Variants in OPN3 observed in about 807,000 individuals in gnomAD.
OPN3 encodes opsin-3.
Under a neutral mutation model 33.8 loss-of-function variants are expected in OPN3, and 29 were observed. The ratio of observed to expected loss-of-function variants is 0.86; its 90% CI spans 0.64 to 1.17. The LOEUF (loss-of-function observed/expected upper bound fraction) is 1.17. Among genes scored for constraint, OPN3 ranks in the 50% most tolerant of loss-of-function variants. The pLI is 0.00. For synonymous variants in OPN3, 216 were observed against 216.1 expected, an observed-to-expected ratio of 1.00 and a Z score of 0.00; for missense variants, 437 against 514.1, an observed-to-expected ratio of 0.85 and a Z score of 1.45.
rs911830187 is a variant in OPN3 at position 241,635,471 on chromosome 1, G to C, written c.373+4411C>G. On this transcript the variant is annotated intron_variant, in intron 1 of 3. Transcript: ENST00000366554. ...CTGACTGGCGTAGCAAAAAGCTTCTGTGTGTTGAATAGTTTCATCCTTCTT... is the reference window on the plus strand; with the variant it reads ...CTGACTGGCGTAGCAAAAAGCTTCTCTGTGTTGAATAGTTTCATCCTTCTT... The C allele has an allele frequency of 2.5e-6, 4 of 1,613,724 alleles. No homozygotes were observed. The Admixed American group carries it at 6.7e-5, about 27-fold the overall frequency.
intron 1 of OPN3, among the ~76,000 whole-genome samples, chr1:241,625,103 A>C (rs909407159): frequency 2.6e-5 from 4 of 152,202 alleles, no homozygotes; most frequent in African/African-American, 9.7e-5. Flanking sequence ...ATTGTAATGA[A>C]CCCTATGCTT....
chr1:241,622,755 C>T (rs528402253), intron 1 of OPN3, among the ~76,000 whole-genome samples: 48 of 152,364 alleles, frequency 3.2e-4, no homozygotes, highest in African/African-American at 1.2e-3. Flanking sequence ...ACACTTCTCT[C>T]TTCTGCATCA....
chr1:241,599,524 A>T (rs371404633), intron 2 of OPN3, among the ~76,000 whole-genome samples: 1 of 152,132 alleles, frequency 6.6e-6, no homozygotes, highest in East Asian at 1.9e-4. Context: ...CAAAAACCGC[A>T]ATTACTTTTG....
intron 1 of OPN3, among the ~76,000 whole-genome samples, chr1:241,639,565 T>C (rs369473338): frequency 6.6e-6 from 1 of 151,612 alleles, no homozygotes; most frequent in South Asian, 2.1e-4. Context: ...TGAGTGATCT[T>C]AGGAGGTAAA....
At chr1:241,624,537 A>C (rs1344462817) in intron 1 of OPN3, among the ~76,000 whole-genome samples, 1 of 152,230 alleles carries the variant, frequency 6.6e-6, no homozygotes, top group East Asian at 1.9e-4. Flanking sequence ...CAGCCTGATT[A>C]ATATGGTGGT....
chr1:241,594,282 A>G lies in OPN3; in HGVS notation c.*146T>C. 1.2e-6 allele frequency: 1 copy of G among 855,484 alleles called. No homozygotes were observed. Among genetic ancestry groups the G allele is most frequent in the Non-Finnish European group, 1.8e-6 (1 of 559,358 alleles). 53.0% of individuals were successfully genotyped at this position (855,484 alleles called of 1,614,324 possible). On this transcript the variant is annotated 3_prime_UTR_variant, in exon 4 of 4. Coordinates refer to ENST00000366554, the MANE Select transcript of OPN3 (RefSeq NM_014322.3). ...TTGTTCAACCTCTTCCTGAGGCCCA[A>G]GAGCATATGGGCAATTCGGATTTCC...
intron 3 of OPN3, chr1:241,595,153 ATTT>A (rs899640573): frequency 6.6e-6 from 1 of 152,064 alleles, no homozygotes; most frequent in Non-Finnish European, 1.5e-5. Context: ...TAGGTGAAGA[ATTT>A]TTTTTTTCTA....
chr1:241,594,793 G>C, intron 3 of OPN3, 102 bp from the exon 4 acceptor site: 1 of 1,396,488 alleles, frequency 7.2e-7, no homozygotes, highest in Non-Finnish European at 9.8e-7. Flanking sequence ...GTTGTTTTTT[G>C]TTTGTTAGCA....
In OPN3 at chr1:241,633,681, T is replaced by A. The variant is rs1020893819; in HGVS notation, c.373+6201A>T. 1.4e-5 allele frequency: 15 copies of A among 1,038,222 alleles called. No homozygotes were observed. In the African/African-American group the frequency reaches 2.4e-4, roughly 17 times the overall value. The allele number at this position is 1,038,222 out of a possible 1,614,324, so 64.3% of individuals were successfully genotyped here. ...CTGAGAGTTAAAGACAACATCTGCA[T>A]AGCATTCATCATATATAACCACTTC... On this transcript the variant is annotated intron_variant, in intron 1 of 3. Coordinates refer to ENST00000366554, the MANE Select transcript of OPN3 (RefSeq NM_014322.3).
chr1:241,625,312 G>A (rs1664385514), intron 1 of OPN3, among the ~76,000 whole-genome samples: 2 of 152,220 alleles, frequency 1.3e-5, no homozygotes, highest in Non-Finnish European at 2.9e-5. Flanking sequence ...AGGCTTCTCC[G>A]AAGCCATACT....
intron 1 of OPN3, chr1:241,632,539 T>C (rs1349553384): frequency 6.6e-6 from 1 of 152,158 alleles, no homozygotes; most frequent in Non-Finnish European, 1.5e-5. Flanking sequence ...TCATGTCTTC[T>C]GACAGCTCCA....
At chr1:241,598,102 T>C in intron 2 of OPN3, 105 bp from the exon 3 acceptor site, 1 of 1,303,488 alleles carries the variant, frequency 7.7e-7, no homozygotes, top group Non-Finnish European at 1.0e-6. Flanking sequence ...CCCACCTAAA[T>C]GGAAAGAGAA....
At chr1:241,635,418 C>T (rs1287506788) in intron 1 of OPN3, 7 of 1,613,846 alleles carry the variant, frequency 4.3e-6, no homozygotes, top group Non-Finnish European at 5.9e-6. Context: ...TGCAGAGCAC[C>T]AATCTCTTCA....
intron 2 of OPN3, chr1:241,601,181 G>A (rs912873114): frequency 1.3e-5 from 2 of 152,162 alleles, no homozygotes; most frequent in African/African-American, 4.8e-5. Flanking sequence ...CAAGAAATGA[G>A]GCTGGACAGG....
intron 1 of OPN3, chr1:241,633,627 G>T: frequency 1.4e-6 from 1 of 705,750 alleles, no homozygotes; most frequent in Non-Finnish European, 2.3e-6. Context: ...CTCATTGATA[G>T]GTTAACAAAG....
intron 1 of OPN3, chr1:241,634,601 A>G (rs1475280366): frequency 2.5e-6 from 4 of 1,613,942 alleles, no homozygotes; most frequent in Non-Finnish European, 3.4e-6. Context: ...CATCCTACAG[A>G]AACCCTGGGG....
At chr1:241,610,782 A>G (rs914548818) in intron 1 of OPN3, among the ~76,000 whole-genome samples, 1 of 152,202 alleles carries the variant, frequency 6.6e-6, no homozygotes, top group Non-Finnish European at 1.5e-5. Flanking sequence ...TCTCCATATT[A>G]CCTAATGAAT....
In OPN3 at chr1:241,594,334, T is replaced by C. The variant is rs1248775715; in HGVS notation, c.*94A>G. On this transcript the variant is annotated 3_prime_UTR_variant, in exon 4 of 4. Coordinates refer to ENST00000366554, the MANE Select transcript of OPN3 (RefSeq NM_014322.3). ...GCTGGACCACAAGGTTCTGTTGATA[T>C]TACATAGAACGGGTATTCCAGACAC... 3.0e-6 allele frequency: 4 copies of C among 1,350,316 alleles called. No individual in the cohort carries two copies. The highest frequency in any genetic ancestry group is 2.9e-5 in the African/African-American group (2 of 68,844). 83.6% of individuals were successfully genotyped at this position (1,350,316 alleles called of 1,614,324 possible).
chr1:241,597,577 T>C (rs1272320013), intron 3 of OPN3, among the ~76,000 whole-genome samples, 169 bp downstream of exon 3: 2 of 152,214 alleles, frequency 1.3e-5, no homozygotes, highest in Non-Finnish European at 1.5e-5. Context: ...AGAATTGTTA[T>C]GATTTTCTTT....
Sources: gnomAD v4.1 joint callset for allele counts (sites outside exome capture counted in the v4.1 genomes callset) on GRCh38, gnomAD v4.1.1 for gene constraint, MANE v1.5 for transcripts, NCBI Gene and HGNC (gene_info 2026-07-23, HGNC 2026-07-21) for gene names.